Variants in PDZD2 observed in about 807,000 individuals in gnomAD.
PDZD2 encodes the protein PDZ domain-containing protein 2.
In PDZD2, 90 loss-of-function variants were observed where a neutral mutation model predicts 220.7. The ratio of observed to expected loss-of-function variants is 0.41; its 90% CI spans 0.34 to 0.49. PDZD2 has a LOEUF of 0.49. Among genes scored for constraint, PDZD2 ranks in the 20% least tolerant of loss-of-function variants. The probability of loss-of-function intolerance (pLI) is 0.28; values close to 1 mark genes in which losing one functional copy is unlikely to be tolerated. For missense variants in PDZD2, 3,174 were observed against 3,608.5 expected, an observed-to-expected ratio of 0.88 and a Z score of 3.08; for synonymous variants, 1,375 against 1,450.5, an observed-to-expected ratio of 0.95 and a Z score of 1.18.
In PDZD2 at chr5:32,090,684, C is replaced by G; in HGVS notation, c.7236C>G (p.Pro2412=). Residue 2412 remains proline, a synonymous_variant, in exon 20 of 25, where the codon CCC becomes CCG. Coordinates refer to ENST00000438447, the MANE Select transcript of PDZD2 (RefSeq NM_178140.4). The surrounding 1 kb of genome is among the most constrained non-coding windows in gnomAD (Gnocchi z 4.3). ...AAAGCGAAGCCGGCACCCTCCTGCC[C>G]CAGATGGCCAAGTCTCCCTCAATCA... ...ENQSEAGTLL[P]QMAKSPSIMT... 2.5e-6 allele frequency: 4 copies of G among 1,614,188 alleles called. No homozygotes were observed. The highest frequency in any genetic ancestry group is 3.4e-6 in the Non-Finnish European group (4 of 1,180,034).
intron 19 of PDZD2, among the ~76,000 whole-genome samples, chr5:32,085,932 G>C (rs1040426579): frequency 1.3e-5 from 2 of 151,888 alleles, no homozygotes; most frequent in Non-Finnish European, 2.9e-5. Flanking sequence ...GATGACTTTG[G>C]GTAGTATGGA....
chr5:31,766,470 C>T (rs773876240), intron 1 of PDZD2, among the ~76,000 whole-genome samples: 2 of 152,010 alleles, frequency 1.3e-5, no homozygotes, highest in African/African-American at 2.4e-5. Flanking sequence ...CAACCTTGAC[C>T]TCTATAGCCT....
At chr5:31,766,212 T>C (rs991309231) in intron 1 of PDZD2, among the ~76,000 whole-genome samples, 1 of 152,006 alleles carries the variant, frequency 6.6e-6, no homozygotes, top group Non-Finnish European at 1.5e-5. Context: ...TTCTGCCTGA[T>C]TGGTTTTTGC....
chr5:31,841,618 A>G (rs973218058), intron 2 of PDZD2, among the ~76,000 whole-genome samples: 2 of 151,800 alleles, frequency 1.3e-5, no homozygotes, highest in African/African-American at 4.8e-5. Context: ...GGTTGCAGTG[A>G]GCCAAAATTG....
intron 2 of PDZD2, among the ~76,000 whole-genome samples, chr5:31,824,469 A>G (rs1304780784): frequency 6.6e-6 from 1 of 152,070 alleles, no homozygotes; most frequent in Non-Finnish European, 1.5e-5. Flanking sequence ...ACCAGACCAA[A>G]TTTGATGTTT....
intron 1 of PDZD2, among the ~76,000 whole-genome samples, chr5:31,773,484 C>CAAA (rs56843716): frequency 0.033 from 3,636 of 111,400 alleles, 180 homozygotes; most frequent in African/African-American, 0.1. Context: ...ACTAAAAATA[C>CAAA]AAAAAAAAAA....
chr5:31,714,353 C>G (rs980467841), intron 1 of PDZD2, among the ~76,000 whole-genome samples: 1 of 152,186 alleles, frequency 6.6e-6, no homozygotes, highest in Non-Finnish European at 1.5e-5. Context: ...CCGCTTGTGT[C>G]TCGGCTTCCA....
intron 1 of PDZD2, among the ~76,000 whole-genome samples, chr5:31,769,212 C>T (rs1478583448): frequency 2.0e-5 from 3 of 151,808 alleles, no homozygotes; most frequent in Admixed American, 6.6e-5. Flanking sequence ...CCAGATAGCC[C>T]GAAGGTGGCA....
intron 23 of PDZD2, chr5:32,100,781 C>A: frequency 5.3e-6 from 4 of 753,836 alleles, no homozygotes; most frequent in African/African-American, 1.7e-5. Context: ...AAGTGCACAG[C>A]CGGTGTGGGG....
chr5:31,883,213 T>A (rs1740098494), intron 2 of PDZD2, among the ~76,000 whole-genome samples: 1 of 136,522 alleles, frequency 7.3e-6, no homozygotes, highest in African/African-American at 2.8e-5. Flanking sequence ...ATTAGCATGC[T>A]ACCTTTTTTT....
chr5:31,958,964 G>T (rs764444646), intron 2 of PDZD2, among the ~76,000 whole-genome samples: 1 of 151,296 alleles, frequency 6.6e-6, no homozygotes, highest in African/African-American at 2.4e-5. Flanking sequence ...ATGGAGTCTC[G>T]CTCTGTCACC....
chr5:31,985,990 G>C (rs1205271522), intron 3 of PDZD2, among the ~76,000 whole-genome samples: 1 of 147,510 alleles, frequency 6.8e-6, no homozygotes, highest in Non-Finnish European at 1.5e-5. Flanking sequence ...TAGGAGAATT[G>C]CTTGAACCTG....
At chr5:32,046,276 A>G (rs1258776944) in intron 7 of PDZD2, among the ~76,000 whole-genome samples, 3 of 152,160 alleles carry the variant, frequency 2.0e-5, no homozygotes, top group Admixed American at 6.5e-5. Context: ...AGTCTCTCAC[A>G]GTGTAACCCA....
intron 1 of PDZD2, among the ~76,000 whole-genome samples, chr5:31,760,762 C>T (rs951090830): frequency 2.0e-5 from 3 of 151,892 alleles, no homozygotes; most frequent in African/African-American, 7.3e-5. Context: ...ATCTCTATGA[C>T]AAATACAAAA....
intron 2 of PDZD2, chr5:31,908,533 G>T (rs1445125202): frequency 1.9e-6 from 2 of 1,070,046 alleles, no homozygotes; most frequent in East Asian, 6.3e-5. Context: ...CGAGGGCGAG[G>T]GCACGGAAAG....
At chr5:31,931,996 C>T (rs879878398) in intron 2 of PDZD2, among the ~76,000 whole-genome samples, 21 of 152,220 alleles carry the variant, frequency 1.4e-4, no homozygotes, top group African/African-American at 4.6e-4. Context: ...AGGTCCTCCC[C>T]GCTTGCACAA....
rs781729887 is a variant in PDZD2 at position 32,097,340 on chromosome 5, G to A, written c.7907G>A (p.Ser2636Asn). 1.2e-6 allele frequency: 2 copies of A among 1,613,216 alleles called. No individual in the cohort carries two copies. The highest frequency in any genetic ancestry group is 2.7e-5 in the African/African-American group (2 of 74,934). The part of the protein sequence containing the change: ...NRKEGSGLGF[S>N]VAGGTDVEPK... Reference sequence around the variant, plus strand: ...AAAGAAGGCTCAGGTCTGGGATTCAGTGTGGCAGGAGGGACAGATGTGGAG... The same window carrying A: ...AAAGAAGGCTCAGGTCTGGGATTCAATGTGGCAGGAGGGACAGATGTGGAG... Residue 2636 changes from serine (S) to asparagine (N), a missense_variant, in exon 22 of 25, where the codon AGT becomes AAT. Physicochemically the swap from Ser to Asn is conservative, Grantham distance 46. Around this residue, in one of 4 missense-constraint regions of PDZD2, gnomAD observed 631 missense variants for 789.9 expected, o/e 0.80. Coordinates refer to ENST00000438447, the MANE Select transcript of PDZD2 (RefSeq NM_178140.4).
chr5:31,877,676 CTATTTATT>C (rs72473783), intron 2 of PDZD2, among the ~76,000 whole-genome samples: 19 of 150,526 alleles, frequency 1.3e-4, no homozygotes, highest in South Asian at 4.2e-4. Context: ...GCTGAAAGGT[CTATTTATT>C]TATTTATTTA....
intron 2 of PDZD2, among the ~76,000 whole-genome samples, chr5:31,823,336 C>T (rs6889480): frequency 0.5 from 75,425 of 151,536 alleles, 20,183 homozygotes; most frequent in Non-Finnish European, 0.61. Flanking sequence ...GGTATGGTGG[C>T]GTGCACCTGT....
Sources: gnomAD v4.1 joint callset for allele counts (sites outside exome capture counted in the v4.1 genomes callset) on GRCh38, gnomAD v4.1.1 for gene constraint, gnomAD v4.1.1 regional missense constraint, Gnocchi (gnomAD v3.1) non-coding constraint, MANE v1.5 for transcripts, NCBI Gene and HGNC (gene_info 2026-07-23, HGNC 2026-07-21) for gene names.